The following RAB27B variants were observed in gnomAD, a reference collection of about 807,000 sequenced individuals.
RAB27B encodes the protein ras-related protein Rab-27B.
A neutral mutation model predicts 24.6 loss-of-function variants in RAB27B; 15 were observed. The ratio of observed to expected loss-of-function variants is 0.61; its 90% CI spans 0.41 to 0.94. The LOEUF (loss-of-function observed/expected upper bound fraction) is 0.94, where lower values mean the gene tolerates loss of function less well. Among genes scored for constraint, RAB27B ranks in the 40% least tolerant of loss-of-function variants. The probability of loss-of-function intolerance (pLI) is 0.00; values close to 1 mark genes in which losing one functional copy is unlikely to be tolerated. For synonymous variants in RAB27B, 105 were observed against 92.5 expected (o/e 1.14, Z -0.78); for missense variants, 261 against 266.8 (o/e 0.98, Z 0.15).
intron 1 of RAB27B, among the ~76,000 whole-genome samples, chr18:54,845,662 G>A (rs1026554205): frequency 3.9e-5 from 6 of 152,018 alleles, no homozygotes; most frequent in African/African-American, 1.4e-4. Flanking sequence ...CTAGCCTTTT[G>A]CATATTGCTA....
upstream of RAB27B, among the ~76,000 whole-genome samples, chr18:54,825,835 A>G (rs1281193595): frequency 6.6e-6 from 1 of 151,936 alleles, no homozygotes; most frequent in Non-Finnish European, 1.5e-5. Flanking sequence ...GTATAACCAA[A>G]CCCCTGTGTT....
chr18:54,877,747 T>C lies in RAB27B; in HGVS notation c.153+9T>C. The C allele has an allele frequency of 6.4e-7, 1 of 1,573,928 alleles. No homozygotes were observed. The highest frequency in any genetic ancestry group is 8.6e-7 in the Non-Finnish European group (1 of 1,166,790). ...TTCGGGAAAAACGTGTGGTGAGTTTTTAATCGTACTTCTAACCTTGTCACT... is the reference window on the plus strand; with the variant it reads ...TTCGGGAAAAACGTGTGGTGAGTTTCTAATCGTACTTCTAACCTTGTCACT... On this transcript the variant is annotated intron_variant, in intron 2 of 5. Coordinates refer to ENST00000262094, the MANE Select transcript of RAB27B (RefSeq NM_004163.4).
chr18:54,785,142 C>G (rs1215367273), intron 2 of RAB27B, among the ~76,000 whole-genome samples: 1 of 151,942 alleles, frequency 6.6e-6, no homozygotes, highest in Non-Finnish European at 1.5e-5. Context: ...CGCTCTGTCG[C>G]CCAGGCTGGA....
intron 2 of RAB27B, among the ~76,000 whole-genome samples, chr18:54,738,568 A>G (rs1213141680): frequency 2.0e-5 from 3 of 152,168 alleles, no homozygotes; most frequent in Non-Finnish European, 4.4e-5. Flanking sequence ...CAGAACTGTG[A>G]GTCAATTAAA....
At chr18:54,809,041 T>C (rs897924045) in intron 2 of RAB27B, among the ~76,000 whole-genome samples, 17 of 152,242 alleles carry the variant, frequency 1.1e-4, no homozygotes, top group South Asian at 2.1e-4. Context: ...AATTCTTTGG[T>C]TGAAATTTTC....
intron 4 of RAB27B, among the ~76,000 whole-genome samples, chr18:54,887,451 A>C (rs1358598543): frequency 1.3e-5 from 2 of 152,026 alleles, no homozygotes; most frequent in Non-Finnish European, 2.9e-5. Flanking sequence ...AAATCCCCTT[A>C]TTTATTATTA....
chr18:54,803,288 G>A (rs1163755385), intron 2 of RAB27B, among the ~76,000 whole-genome samples: 1 of 152,186 alleles, frequency 6.6e-6, no homozygotes, highest in Non-Finnish European at 1.5e-5. Flanking sequence ...GGAGTTGGAA[G>A]TAGCAAGCTA....
At chr18:54,770,254 G>A (rs995081420) in intron 2 of RAB27B, among the ~76,000 whole-genome samples, 1 of 152,154 alleles carries the variant, frequency 6.6e-6, no homozygotes, top group Non-Finnish European at 1.5e-5. Context: ...GGAGGTGAGT[G>A]GAGGTGAATG....
chr18:54,883,299 A>T (rs1191575946), intron 3 of RAB27B, among the ~76,000 whole-genome samples: 2 of 152,132 alleles, frequency 1.3e-5, no homozygotes, highest in Non-Finnish European at 2.9e-5. Flanking sequence ...GAAGTGGATA[A>T]GATTATCCAG....
intron 2 of RAB27B, among the ~76,000 whole-genome samples, chr18:54,762,303 C>T (rs1213324919): frequency 2.6e-5 from 4 of 152,180 alleles, no homozygotes; most frequent in Non-Finnish European, 5.9e-5. Flanking sequence ...AATTATCCTG[C>T]CTCAGCCTCC....
intron 2 of RAB27B, among the ~76,000 whole-genome samples, chr18:54,752,935 T>C (rs1314500336): frequency 6.6e-6 from 1 of 152,154 alleles, no homozygotes; most frequent in East Asian, 1.9e-4. Flanking sequence ...ACTTAGTGAT[T>C]GACTGATAGA....
chr18:54,790,593 G>A (rs989463871), intron 2 of RAB27B, among the ~76,000 whole-genome samples: 11 of 136,706 alleles, frequency 8.0e-5, no homozygotes, highest in Non-Finnish European at 1.6e-4. Context: ...TATATCTTAA[G>A]CACAATTTTC....
At position 54,762,378 on chromosome 18, in the gene RAB27B, C is replaced by T. The variant is rs910211467; in HGVS notation, c.-20+44237C>T. On this transcript the variant is annotated intron_variant, in intron 2 of 4. Coordinates refer to the RAB27B transcript ENST00000586570. ...CTAATTTTTGAATTTTTAGTAGAGA[C>T]GAGGTTTCACCGTGTTGGCCAGGAA... is the stretch of plus-strand genomic sequence containing the variant. Among the ~76,000 whole-genome samples the T allele has an allele frequency of 3.3e-5, 5 of 152,072 alleles. No homozygotes were observed. In the South Asian group the frequency reaches 6.2e-4, roughly 19 times the overall value.
intron 2 of RAB27B, among the ~76,000 whole-genome samples, chr18:54,797,803 T>G (rs1464295074): frequency 1.3e-5 from 2 of 152,350 alleles, no homozygotes; most frequent in Admixed American, 6.5e-5. Flanking sequence ...AGTTTGTAGA[T>G]TTTTAAAGAC....
chr18:54,803,551 T>A (rs1323214442), intron 2 of RAB27B, among the ~76,000 whole-genome samples: 1 of 152,040 alleles, frequency 6.6e-6, no homozygotes, highest in Non-Finnish European at 1.5e-5. Context: ...GGCTTCTGGG[T>A]GGAGGGGGTC....
At chr18:54,858,485 C>A (rs188940906) in intron 1 of RAB27B, among the ~76,000 whole-genome samples, 3 of 151,306 alleles carry the variant, frequency 2.0e-5, no homozygotes, top group African/African-American at 7.3e-5. Context: ...CCCGTGTTCA[C>A]GCCATTCTCC....
rs368379717 is a variant in RAB27B at position 54,721,362 on chromosome 18, T to C, written c.-20+3221T>C. Among the ~76,000 whole-genome samples, 22 of 152,282 alleles carry C rather than the reference T, an allele frequency of 1.4e-4. 2 individuals carry two copies. In the South Asian group the frequency reaches 2.1e-3, roughly 14 times the overall value. On this transcript the variant is annotated intron_variant, in intron 2 of 4. Coordinates refer to the RAB27B transcript ENST00000586570. ...CTTTTCCCTTAAATATATTAGTTGATAGGGAGGAAGTTAACGCTAAGGAAA... is the reference window on the plus strand; with the variant it reads ...CTTTTCCCTTAAATATATTAGTTGACAGGGAGGAAGTTAACGCTAAGGAAA...
At chr18:54,732,471 G>A (rs374847178) in intron 2 of RAB27B, among the ~76,000 whole-genome samples, 3 of 152,000 alleles carry the variant, frequency 2.0e-5, no homozygotes, top group Non-Finnish European at 4.4e-5. Context: ...TGCAGAGTCC[G>A]GTGTCACAAC....
intron 2 of RAB27B, chr18:54,718,220 G>C (rs1909250358): frequency 6.6e-6 from 1 of 152,060 alleles, no homozygotes; most frequent in Admixed American, 6.6e-5. Flanking sequence ...TTCGTTGAAA[G>C]AGCCAATGTG....
Sources: allele counts gnomAD v4.1 joint callset (sites outside exome capture counted in the v4.1 genomes callset), GRCh38; gene constraint gnomAD v4.1.1; transcripts MANE v1.5; gene names NCBI Gene and HGNC (gene_info 2026-07-23, HGNC 2026-07-21).